TTC38: variants seen among roughly 807,000 people sequenced by gnomAD.
The protein encoded by TTC38 is tetratricopeptide repeat protein 38.
Under a neutral mutation model 64.2 loss-of-function variants are expected in TTC38, and 64 were observed. The ratio of observed to expected loss-of-function variants is 1.00; its 90% CI spans 0.81 to 1.23. The LOEUF (loss-of-function observed/expected upper bound fraction) is 1.23. TTC38 is among the 50% of genes most tolerant of loss of function. The pLI is 0.00. For synonymous variants in TTC38, 254 were observed against 249.3 expected, an observed-to-expected ratio of 1.02 and a Z score of -0.18; for missense variants, 573 against 615.5, an observed-to-expected ratio of 0.93 and a Z score of 0.73.
rs1441021433 is a variant in TTC38 at position 46,270,461 on chromosome 22, T to C, written c.111+1870T>C. On this transcript the variant is annotated intron_variant, in intron 2 of 13. Transcript: ENST00000381031. This position sits in a 1 kb window ranked among gnomAD's most constrained non-coding sequence, Gnocchi z 4.7. ...TGAAAGGGCATATTTTAAAATCTAATGTGTGATTATAGGTCTAGGACTTTT... is the reference window on the plus strand; with the variant it reads ...TGAAAGGGCATATTTTAAAATCTAACGTGTGATTATAGGTCTAGGACTTTT... 6.6e-6 allele frequency among the ~76,000 whole-genome samples: 1 copy of C among 152,200 alleles called. No individual in the cohort carries two copies. The highest frequency in any genetic ancestry group is 1.5e-5 in the Non-Finnish European group (1 of 68,034).
intron 6 of TTC38, among the ~76,000 whole-genome samples, chr22:46,279,090 T>C (rs1472598960): frequency 6.6e-6 from 1 of 152,200 alleles, no homozygotes; most frequent in Non-Finnish European, 1.5e-5. Context: ...GAACTTCGCA[T>C]TTCTAAGCAT....
chr22:46,283,090 G>C (rs1437837672), intron 7 of TTC38, among the ~76,000 whole-genome samples: 3 of 151,754 alleles, frequency 2.0e-5, no homozygotes, highest in Non-Finnish European at 4.4e-5. Context: ...CACCACACCT[G>C]GCTAATTAAA....
rs1189160397 is a variant in TTC38 at position 46,270,263 on chromosome 22, C to G, written c.111+1672C>G. On this transcript the variant is annotated intron_variant, in intron 2 of 13. Transcript: ENST00000381031. The surrounding 1 kb of genome is among the most constrained non-coding windows in gnomAD (Gnocchi z 4.7). The stretch of plus-strand genomic sequence containing the variant: ...GTATCTTGTCAAAATGCTTGCGTAG[C>G]TTATAGTCTCAGCTATTTGGGAGGC... Among the ~76,000 whole-genome samples, 1 of 152,104 alleles carries G rather than the reference C, an allele frequency of 6.6e-6. No individual in the cohort carries two copies. Among genetic ancestry groups the G allele is most frequent in the Admixed American group, 6.5e-5 (1 of 15,272 alleles).
chr22:46,283,009 G>C (rs560672987), intron 7 of TTC38, among the ~76,000 whole-genome samples: 3 of 152,266 alleles, frequency 2.0e-5, no homozygotes, highest in African/African-American at 7.2e-5. Context: ...GCTCACCGCA[G>C]CCTCGACCGC....
At position 46,272,312 on chromosome 22, in the gene TTC38, T is replaced by G. The variant is rs764409394; in HGVS notation, c.112-23T>G. On this transcript the variant is annotated intron_variant, in intron 2 of 13. Transcript: ENST00000381031. This position sits in a 1 kb window ranked among gnomAD's most constrained non-coding sequence, Gnocchi z 6.4. ...AATGATCCAAGGGCTCCGTGAGGAC[T>G]TGTTTTGCTTTTCCCATTTCAGTAT... 2 of 1,603,172 alleles carry G rather than the reference T, an allele frequency of 1.2e-6. No homozygotes were observed. The highest frequency in any genetic ancestry group is 1.7e-6 in the Non-Finnish European group (2 of 1,170,406).
chr22:46,289,816 G>A lies in TTC38; in HGVS notation c.1243-10G>A, dbSNP rs1343826755. 1.9e-6 allele frequency: 3 copies of A among 1,614,152 alleles called. No homozygotes were observed. The highest frequency in any genetic ancestry group is 2.2e-5 in the South Asian group (2 of 91,090). ...GTACAGGAGACTCACATGCCCGATT[G>A]ACATTTCAGAGAGACGTCTTCAACC... On this transcript the variant is annotated splice_polypyrimidine_tract_variant and intron_variant, in intron 12 of 13. Transcript: ENST00000381031.
rs1343175140 is a variant in TTC38, at chr22:46,273,693, G to T, written c.194-205G>T. Among the ~76,000 whole-genome samples, 1 of 152,212 alleles carries T rather than the reference G, an allele frequency of 6.6e-6. No homozygotes were observed. Among genetic ancestry groups the T allele is most frequent in the African/African-American group, 2.4e-5 (1 of 41,458 alleles). ...GCCCTCACTAGAAAAATGTTCAAGG[G>T]TGCCTTTAGGCTTGCAGTTCCCTCC... is the stretch of plus-strand genomic sequence containing the variant. On this transcript the variant is annotated intron_variant, in intron 3 of 13. Coordinates refer to ENST00000381031, the MANE Select transcript of TTC38 (RefSeq NM_017931.4). This position sits in a 1 kb window ranked among gnomAD's most constrained non-coding sequence, Gnocchi z 5.1.
rs191869586 is a variant in TTC38, at chr22:46,271,415, G to A, written c.112-920G>A. Reference sequence around the variant, plus strand: ...CTTTAGTAGAGACGGGGGTTTCACCGTGTTAGCCAGGATGGTCTCGATCTC... The same window carrying A: ...CTTTAGTAGAGACGGGGGTTTCACCATGTTAGCCAGGATGGTCTCGATCTC... On this transcript the variant is annotated intron_variant, in intron 2 of 13. Transcript: ENST00000381031. The surrounding 1 kb of genome is among the most constrained non-coding windows in gnomAD (Gnocchi z 5.5). Among the ~76,000 whole-genome samples the A allele has an allele frequency of 1.9e-4, 29 of 151,990 alleles. No homozygotes were observed. The highest frequency in any genetic ancestry group is 1.9e-3 in the Admixed American group (29 of 15,272).
At position 46,281,447 on chromosome 22, in the gene TTC38, TTGTCAG is replaced by T; in HGVS notation, c.616-148_616-143del. ...CCGGGCAGGCAGGAAGTGGTGCTAA[TTGTCAG>T]TGTTTTGAGTCAGAGCCCCGCCCCC... On this transcript the variant is annotated intron_variant, in intron 6 of 13. Coordinates refer to ENST00000381031, the MANE Select transcript of TTC38 (RefSeq NM_017931.4). This position sits in a 1 kb window ranked among gnomAD's most constrained non-coding sequence, Gnocchi z 5.2. 1 of 820,074 alleles carries T rather than the reference TTGTCAG, an allele frequency of 1.2e-6. No individual in the cohort carries two copies. The highest frequency in any genetic ancestry group is 1.6e-5 in the South Asian group (1 of 62,284). 50.8% of individuals were successfully genotyped at this position (820,074 alleles called of 1,614,324 possible). A position where few individuals can be genotyped will look rare whatever the true frequency, so the allele number is the denominator to read the frequency against.
chr22:46,278,730 G>A (rs2077511860), intron 6 of TTC38, 69 bp downstream of exon 6: 2 of 1,266,756 alleles, frequency 1.6e-6, no homozygotes, highest in African/African-American at 2.9e-5. Context: ...GGGCATATGA[G>A]GGGCACCATT....
At chr22:46,278,486 G>A in intron 5 of TTC38, 100 bp from the exon 6 acceptor site, 1 of 992,160 alleles carries the variant, frequency 1.0e-6, no homozygotes. Flanking sequence ...CACATTCCCA[G>A]TGCTGGCAGT....
intron 1 of TTC38, 114 bp downstream of exon 1, chr22:46,268,186 C>G: frequency 8.2e-7 from 1 of 1,222,944 alleles, no homozygotes; most frequent in Non-Finnish European, 1.1e-6. Context: ...GGGGTGAGCC[C>G]TGGGCGCACG....
Position 46,284,037 on chromosome 22 carries a change from G to A in TTC38, c.795+5G>A, listed in dbSNP as rs1397535028. ...GCTTTATATCTGATTGAGAAGGTAAGGTGACCATCTGTTTGCACTGTCTTA... is the reference window on the plus strand; with the variant it reads ...GCTTTATATCTGATTGAGAAGGTAAAGTGACCATCTGTTTGCACTGTCTTA... On this transcript the variant is annotated splice_donor_5th_base_variant and intron_variant, in intron 8 of 13. Coordinates refer to ENST00000381031, the MANE Select transcript of TTC38 (RefSeq NM_017931.4). The A allele has an allele frequency of 1.9e-6, 3 of 1,606,186 alleles. No homozygotes were observed. The highest frequency in any genetic ancestry group is 1.7e-5 in the Admixed American group (1 of 59,734).
chr22:46,275,325 C>T lies in TTC38; in HGVS notation c.443C>T (p.Ser148Phe), dbSNP rs1936984785. ...ACAGACATGTTGGCCCTGAAATTTT[C>T]CCATGATGCTTATTTTTACCTGGGC... The part of the protein sequence containing the change: ...HPTDMLALKF[S>F]HDAYFYLGYQ... Residue 148 changes from serine to phenylalanine, a missense_variant, in exon 5 of 14, where the codon TCC becomes TTC. By Grantham distance (155) the Ser-to-Phe change is radical. Transcript: ENST00000381031. This position sits in a 1 kb window ranked among gnomAD's most constrained non-coding sequence, Gnocchi z 4.5. The T allele has an allele frequency of 6.2e-7, 1 of 1,614,042 alleles. No individual in the cohort carries two copies. Among genetic ancestry groups the T allele is most frequent in the South Asian group, 1.1e-5 (1 of 91,082 alleles).
rs114461354 is a variant in TTC38, at chr22:46,275,908, G to A, written c.539+487G>A. Reference sequence around the variant, plus strand: ...GATACCCTGCCACTCCCAAGTCATTGGCCAGAACTGATCACATGACCTCAC... The same window carrying A: ...GATACCCTGCCACTCCCAAGTCATTAGCCAGAACTGATCACATGACCTCAC... On this transcript the variant is annotated intron_variant, in intron 5 of 13. Transcript: ENST00000381031. The surrounding 1 kb of genome is among the most constrained non-coding windows in gnomAD (Gnocchi z 4.5). Among the ~76,000 whole-genome samples, 2,828 of 152,210 alleles carry A rather than the reference G, an allele frequency of 0.019. 90 individuals are homozygous for A. The highest frequency in any genetic ancestry group is 0.064 in the African/African-American group (2,664 of 41,502).
chr22:46,287,907 G>A (rs962035244), intron 10 of TTC38, among the ~76,000 whole-genome samples: 1 of 152,238 alleles, frequency 6.6e-6, no homozygotes, highest in Non-Finnish European at 1.5e-5. Context: ...CAAAGCTACC[G>A]GGACATAGAA....
rs1325901823 is a variant in TTC38, at chr22:46,282,150, A to G, written c.735+432A>G. 1 of 367,822 alleles carries G rather than the reference A, an allele frequency of 2.7e-6. No homozygotes were observed. Among genetic ancestry groups the G allele is most frequent in the Non-Finnish European group, 5.6e-6 (1 of 179,374 alleles). 22.8% of individuals were successfully genotyped at this position (367,822 alleles called of 1,614,324 possible). A position where few individuals can be genotyped will look rare whatever the true frequency, so the allele number is the denominator to read the frequency against. On this transcript the variant is annotated intron_variant, in intron 7 of 13. Transcript: ENST00000381031. This position sits in a 1 kb window ranked among gnomAD's most constrained non-coding sequence, Gnocchi z 4.4. ...CTGAGTTGGCTACTGAAGGATGAGC[A>G]GGTGTGTGCCACACAGAGGGGGAAG...
chr22:46,278,503 C>T, intron 5 of TTC38, 83 bp from the exon 6 acceptor site: 1 of 1,176,662 alleles, frequency 8.5e-7, no homozygotes, highest in Non-Finnish European at 1.3e-6. Flanking sequence ...CAGTTAGGAC[C>T]TCAGTGTATC....
Position 46,282,031 on chromosome 22 carries a change from C to T in TTC38, c.735+313C>T. On this transcript the variant is annotated intron_variant, in intron 7 of 13. Transcript: ENST00000381031. The surrounding 1 kb of genome is among the most constrained non-coding windows in gnomAD (Gnocchi z 4.4). ...CACATGAGCTGCACCATGACGGGGA[C>T]CCTCTGTGGGATGTGGAAACGCAGA... is the stretch of plus-strand genomic sequence containing the variant. 1.9e-6 allele frequency: 1 copy of T among 527,710 alleles called. No homozygotes were observed. The highest frequency in any genetic ancestry group is 3.8e-6 in the Non-Finnish European group (1 of 264,868). The allele number at this position is 527,710 out of a possible 1,614,324, so 32.7% of individuals were successfully genotyped here. A position where few individuals can be genotyped will look rare whatever the true frequency, so the allele number is the denominator to read the frequency against.
Sources: gnomAD v4.1 joint callset for allele counts (sites outside exome capture counted in the v4.1 genomes callset) on GRCh38, gnomAD v4.1.1 for gene constraint, Gnocchi (gnomAD v3.1) non-coding constraint, MANE v1.5 for transcripts, NCBI Gene and HGNC (gene_info 2026-07-23, HGNC 2026-07-21) for gene names.